LAMA4: variants seen among roughly 807,000 people sequenced by gnomAD.
LAMA4 encodes the protein laminin subunit alpha-4.
A neutral mutation model predicts 207.1 loss-of-function variants in LAMA4; 127 were observed. That is an observed-to-expected ratio of 0.61 (90% CI 0.53 to 0.71). LAMA4 has a LOEUF of 0.71. LAMA4 is among the 30% of genes least tolerant of loss of function. LAMA4 has a pLI of 0.00. For missense variants in LAMA4, 2,093 were observed against 2,246.5 expected (o/e 0.93, Z 1.38); for synonymous variants, 761 against 816.0 (o/e 0.93, Z 1.15).
Position 112,136,182 on chromosome 6 carries a change from G to A in LAMA4, c.3355C>T (p.Pro1119Ser), listed in dbSNP as rs1554331494. 2.5e-6 allele frequency: 4 copies of A among 1,612,052 alleles called. No homozygotes were observed. The highest frequency in any genetic ancestry group is 2.2e-5 in the South Asian group (2 of 91,034). ...TTTAACGTATCTTCAAGATGCACAGGGCCACCGCTGAATCCAAAATCATAG... is the reference window on the plus strand; with the variant it reads ...TTTAACGTATCTTCAAGATGCACAGAGCCACCGCTGAATCCAAAATCATAG... ...VFYDFGFSGG[P>S]VHLEDTLKKA... The change falls in exon 25 of 39, where the codon CCT becomes TCT. Residue 1119 changes from proline to serine, a missense_variant. Transcript: ENST00000230538.
At position 112,139,248 on chromosome 6, in the gene LAMA4, A is replaced by G. The variant is rs1779538552; in HGVS notation, c.3154T>C (p.Phe1052Leu). 2 of 1,614,072 alleles carry G rather than the reference A, an allele frequency of 1.2e-6. No individual in the cohort carries two copies. The highest frequency in any genetic ancestry group is 1.6e-4 in the Middle Eastern group (1 of 6,084). Reference protein sequence around the residue: ...FTQSRAASYFFDGSGYAVVRD... With the variant: ...FTQSRAASYFLDGSGYAVVRD... ...ACCACGGCATAACCGGAGCCATCGAAGAAGTAACTGGCAGCCCGACTCTGA... is the reference window on the plus strand; with the variant it reads ...ACCACGGCATAACCGGAGCCATCGAGGAAGTAACTGGCAGCCCGACTCTGA... Residue 1052 changes from phenylalanine (F) to leucine (L), a missense_variant, in exon 24 of 39, where the codon TTC becomes CTC. This residue lies in a region of LAMA4 where 1,704 missense variants were observed against 1,788.4 expected (regional missense o/e 0.95). Coordinates refer to ENST00000230538, the MANE Select transcript of LAMA4 (RefSeq NM_001105206.3).
At chr6:112,113,757 T>A (rs140074144) in intron 38 of LAMA4, among the ~76,000 whole-genome samples, 34 of 152,296 alleles carry the variant, frequency 2.2e-4, no homozygotes, top group Middle Eastern at 3.4e-3. Context: ...GTAGTGTTAG[T>A]CAATGAGTTT....
At chr6:112,144,329 A>C (rs782442988) in intron 19 of LAMA4, among the ~76,000 whole-genome samples, 1 of 152,216 alleles carries the variant, frequency 6.6e-6, no homozygotes, top group African/African-American at 2.4e-5. Flanking sequence ...CTTCTGCATA[A>C]TTTGTGTTGT....
rs727503114 is a variant in LAMA4, at chr6:112,216,398, G to A, written c.267C>T (p.Asn89=). 1.5e-5 allele frequency: 25 copies of A among 1,613,682 alleles called. No individual in the cohort carries two copies. Among genetic ancestry groups the A allele is most frequent in the Middle Eastern group, 1.7e-4 (1 of 6,058 alleles). The change falls in exon 3 of 39, where the codon AAC becomes AAT. Residue 89 remains asparagine, a synonymous_variant. Transcript: ENST00000230538. ...AGTATCCTGAGCCGTCCAAACACTCGTTGGAATTGCCATTACAGTCGCAGG... is the reference window on the plus strand; with the variant it reads ...AGTATCCTGAGCCGTCCAAACACTCATTGGAATTGCCATTACAGTCGCAGG... ...CVPCDCNGNS[N]ECLDGSGYCV... is the part of the protein sequence containing the mutation.
At chr6:112,250,894 A>G (rs1787398991) in intron 2 of LAMA4, among the ~76,000 whole-genome samples, 1 of 152,090 alleles carries the variant, frequency 6.6e-6, no homozygotes, top group Non-Finnish European at 1.5e-5. Context: ...CCATATCTAT[A>G]TTGGTCAAGA....
intron 9 of LAMA4, among the ~76,000 whole-genome samples, chr6:112,181,209 C>G (rs1782337213): frequency 3.3e-5 from 5 of 152,236 alleles, no homozygotes; most frequent in South Asian, 2.1e-4. Flanking sequence ...GCTCTCTTCT[C>G]TAGACCACTG....
chr6:112,179,178 T>C (rs1415750260), intron 9 of LAMA4: 3 of 152,148 alleles, frequency 2.0e-5, no homozygotes, highest in Admixed American at 6.5e-5. Context: ...TGGGAGATTC[T>C]GTTTCAGAGA....
chr6:112,180,115 A>G (rs1171063917), intron 9 of LAMA4, among the ~76,000 whole-genome samples: 1 of 152,196 alleles, frequency 6.6e-6, no homozygotes, highest in African/African-American at 2.4e-5. Flanking sequence ...TTATATTTGC[A>G]AAGCACAACA....
Position 112,178,152 on chromosome 6 carries a change from C to T in LAMA4, c.1158G>A (p.Glu386=), listed in dbSNP as rs147894075. The part of the protein sequence containing the change: ...DTINHASQLV[E]QAHDMRDKIQ... ...TTTTATCCCTCATATCATGGGCTTG[C>T]TCTACCAGCTGACTTGCGTGGTTAA... The change falls in exon 10 of 39, where the codon GAG becomes GAA. Residue 386 remains glutamate, a synonymous_variant. Transcript: ENST00000230538. 499 of 1,613,558 alleles carry T rather than the reference C, an allele frequency of 3.1e-4. No homozygotes were observed. The highest frequency in any genetic ancestry group is 3.6e-4 in the Non-Finnish European group (423 of 1,179,622).
chr6:112,155,546 A>C lies in LAMA4; in HGVS notation c.1959+19T>G, dbSNP rs1780657186. The stretch of plus-strand genomic sequence containing the variant: ...CAGTGGGAAAGGCAAGGTATAAAGA[A>C]CTTTCAGGGAATACTCACATCATAA... On this transcript the variant is annotated intron_variant, in intron 15 of 38. Coordinates refer to ENST00000230538, the MANE Select transcript of LAMA4 (RefSeq NM_001105206.3). 1 of 1,613,930 alleles carries C rather than the reference A, an allele frequency of 6.2e-7. No homozygotes were observed. Among genetic ancestry groups the C allele is most frequent in the Non-Finnish European group, 8.5e-7 (1 of 1,179,918 alleles).
intron 2 of LAMA4, among the ~76,000 whole-genome samples, chr6:112,240,851 T>C (rs374334848): frequency 2.0e-5 from 3 of 152,200 alleles, no homozygotes; most frequent in South Asian, 4.1e-4. Flanking sequence ...GTGACAAATA[T>C]AGGAGTGCAG....
chr6:112,246,686 A>AT (rs1184441819), intron 2 of LAMA4, among the ~76,000 whole-genome samples: 20 of 151,872 alleles, frequency 1.3e-4, no homozygotes, highest in Admixed American at 1.0e-3. Context: ...TGTCCAGCTA[A>AT]TTTTTTTGTA....
intron 12 of LAMA4, among the ~76,000 whole-genome samples, chr6:112,169,161 T>C (rs1161072018): frequency 6.6e-6 from 1 of 152,148 alleles, no homozygotes; most frequent in Non-Finnish European, 1.5e-5. Context: ...AAATCGAATC[T>C]GGCAGTAATC....
intron 28 of LAMA4, among the ~76,000 whole-genome samples, chr6:112,131,362 G>C (rs1779021853): frequency 1.3e-5 from 2 of 152,216 alleles, no homozygotes; most frequent in East Asian, 3.9e-4. Flanking sequence ...TATGCTGGGA[G>C]TTGTCAACCC....
chr6:112,227,600 A>G (rs1472355769), intron 2 of LAMA4, among the ~76,000 whole-genome samples: 2 of 152,238 alleles, frequency 1.3e-5, no homozygotes, highest in Non-Finnish European at 2.9e-5. Context: ...ACGCTTGTGT[A>G]TAATTTCCCC....
chr6:112,163,718 T>C (rs1187213271), intron 13 of LAMA4, among the ~76,000 whole-genome samples: 1 of 152,140 alleles, frequency 6.6e-6, no homozygotes, highest in Non-Finnish European at 1.5e-5. Flanking sequence ...AGCAGAATGG[T>C]AGGGCAGAAG....
chr6:112,210,034 T>TC (rs1356807831), intron 3 of LAMA4, among the ~76,000 whole-genome samples: 137 of 151,804 alleles, frequency 9.0e-4, no homozygotes, highest in African/African-American at 3.2e-3. Flanking sequence ...TCTCTCTCTC[T>TC]CCCCCACCTC....
In LAMA4 at chr6:112,141,385, G is replaced by A; in HGVS notation, c.2786C>T (p.Ala929Val). ...LDSKPVSSWP[A>V]YFSIVKIERV... ...TTCAATCTTGACAATGCTGAAGTAA[G>A]CAGGCCAGGAACTGACGGGCTTGGA... The change falls in exon 21 of 39, where the codon GCT becomes GTT. Residue 929 changes from alanine (A) to valine (V), a missense_variant. This residue lies in a region of LAMA4 where 1,704 missense variants were observed against 1,788.4 expected (regional missense o/e 0.95). Coordinates refer to ENST00000230538, the MANE Select transcript of LAMA4 (RefSeq NM_001105206.3). The A allele has an allele frequency of 6.2e-7, 1 of 1,614,114 alleles. No homozygotes were observed. The highest frequency in any genetic ancestry group is 8.5e-7 in the Non-Finnish European group (1 of 1,179,974).
rs782542994 is a variant in LAMA4 at position 112,141,465 on chromosome 6, A to G, written c.2706T>C (p.Asp902=). 3 of 1,611,276 alleles carry G rather than the reference A, an allele frequency of 1.9e-6. No homozygotes were observed. The highest frequency in any genetic ancestry group is 8.5e-7 in the Non-Finnish European group (1 of 1,177,366). ...KEYMGLAIKN[D]NLVYVYNLGT... ...CCAAATTATAGACGTATACCAGATT[A>G]TCATTTTTGATTGCAAGACCCATAT... is the stretch of plus-strand genomic sequence containing the variant. The change falls in exon 21 of 39, where the codon GAT becomes GAC. Residue 902 remains aspartate (D), a synonymous_variant. Coordinates refer to ENST00000230538, the MANE Select transcript of LAMA4 (RefSeq NM_001105206.3).
Sources: allele counts gnomAD v4.1 joint callset (sites outside exome capture counted in the v4.1 genomes callset), GRCh38; gene constraint gnomAD v4.1.1; regional missense constraint gnomAD v4.1.1; transcripts MANE v1.5; gene names NCBI Gene and HGNC (gene_info 2026-07-23, HGNC 2026-07-21).